Variants in EPB41L4A observed in about 807,000 individuals in gnomAD.
EPB41L4A encodes band 4.1-like protein 4A.
Under a neutral mutation model 108.6 loss-of-function variants are expected in EPB41L4A, and 100 were observed. The ratio of observed to expected loss-of-function variants is 0.92; its 90% CI spans 0.78 to 1.09. The LOEUF (loss-of-function observed/expected upper bound fraction) is 1.09, where lower values mean the gene tolerates loss of function less well. EPB41L4A is among the 50% of genes least tolerant of loss of function. EPB41L4A has a pLI of 0.00. For missense variants in EPB41L4A, 1,030 were observed against 842.7 expected (o/e 1.22, Z -2.75); for synonymous variants, 319 against 289.0 (o/e 1.10, Z -1.05).
chr5:112,388,586 G>A (rs1010744909), intron 1 of EPB41L4A, among the ~76,000 whole-genome samples: 1 of 152,144 alleles, frequency 6.6e-6, no homozygotes, highest in Non-Finnish European at 1.5e-5. Flanking sequence ...CAGGATTATG[G>A]ATAGACAGCC....
chr5:112,201,992 T>C (rs1366558491), intron 15 of EPB41L4A, among the ~76,000 whole-genome samples: 1 of 152,196 alleles, frequency 6.6e-6, no homozygotes, highest in South Asian at 2.1e-4. Context: ...GACTCATCTA[T>C]AATCTACTCT....
At chr5:112,330,608 TG>T (rs969730956) in intron 1 of EPB41L4A, among the ~76,000 whole-genome samples, 1 of 151,992 alleles carries the variant, frequency 6.6e-6, no homozygotes, top group African/African-American at 2.4e-5. Context: ...AACTGAGGAA[TG>T]GGGGGTAACT....
chr5:112,400,260 C>A (rs1761655011), intron 1 of EPB41L4A, among the ~76,000 whole-genome samples: 1 of 151,968 alleles, frequency 6.6e-6, no homozygotes, highest in South Asian at 2.1e-4. Flanking sequence ...ATCACGAGAA[C>A]AGCATGCGGA....
chr5:112,414,083 T>C (rs540363112), intron 1 of EPB41L4A, among the ~76,000 whole-genome samples: 1 of 152,320 alleles, frequency 6.6e-6, no homozygotes. Flanking sequence ...GGCTAGTAAG[T>C]AATTAGCGGT....
chr5:112,400,809 G>A (rs1761697606), intron 1 of EPB41L4A, among the ~76,000 whole-genome samples: 1 of 152,188 alleles, frequency 6.6e-6, no homozygotes, highest in Non-Finnish European at 1.5e-5. Context: ...CTAGTGTCAA[G>A]AAGGCAAAGG....
intron 18 of EPB41L4A, among the ~76,000 whole-genome samples, chr5:112,179,948 G>C (rs1185163470): frequency 6.6e-6 from 1 of 152,128 alleles, no homozygotes; most frequent in African/African-American, 2.4e-5. Context: ...GAGCTAGTAA[G>C]TGAATTTAAC....
chr5:112,291,144 C>T (rs1344892533), intron 2 of EPB41L4A, among the ~76,000 whole-genome samples: 1 of 152,182 alleles, frequency 6.6e-6, no homozygotes, highest in East Asian at 1.9e-4. Context: ...CTCCCTATCA[C>T]TCCTCATCTT....
At chr5:112,285,289 T>C (rs1395598441) in intron 2 of EPB41L4A, among the ~76,000 whole-genome samples, 1 of 151,904 alleles carries the variant, frequency 6.6e-6, no homozygotes, top group Non-Finnish European at 1.5e-5. Context: ...TCTAAGAGAG[T>C]AAAAACAGAG....
chr5:112,169,565 T>C (rs991528094), intron 20 of EPB41L4A, among the ~76,000 whole-genome samples: 1 of 152,034 alleles, frequency 6.6e-6, no homozygotes, highest in Non-Finnish European at 1.5e-5. Flanking sequence ...AAAAAGTATG[T>C]GAGGTGATAG....
At chr5:112,207,347 A>G (rs776698888) in intron 13 of EPB41L4A, among the ~76,000 whole-genome samples, 2 of 152,238 alleles carry the variant, frequency 1.3e-5, no homozygotes, top group Non-Finnish European at 2.9e-5. Flanking sequence ...AACCTAGGAA[A>G]TATCATTCTG....
Position 112,168,560 on chromosome 5 carries a change from T to C in EPB41L4A, c.1932+179A>G, listed in dbSNP as rs550077313. ...AACTCTTCCCAGATTGTGCCAGGGT[T>C]CTTGATCATGCACTTTTCCTTCCAT... On this transcript the variant is annotated intron_variant, in intron 22 of 22. Coordinates refer to ENST00000261486, the MANE Select transcript of EPB41L4A (RefSeq NM_022140.5). Among the ~76,000 whole-genome samples the C allele has an allele frequency of 2.3e-3, 344 of 152,352 alleles. 2 individuals carry two copies. Among genetic ancestry groups the C allele is most frequent in the African/African-American group, 7.6e-3 (318 of 41,586 alleles).
chr5:112,397,091 G>A (rs941672364), intron 1 of EPB41L4A, among the ~76,000 whole-genome samples: 4 of 151,862 alleles, frequency 2.6e-5, no homozygotes, highest in Admixed American at 2.0e-4. Context: ...CCCTTTCTAC[G>A]CTTCCCTCTT....
At chr5:112,234,376 A>G (rs1047412235) in intron 12 of EPB41L4A, among the ~76,000 whole-genome samples, 1 of 151,736 alleles carries the variant, frequency 6.6e-6, no homozygotes, top group Admixed American at 6.6e-5. Context: ...GCAAGATCCT[A>G]ACTCAAAAAA....
At chr5:112,336,710 G>A (rs1399472562) in intron 1 of EPB41L4A, among the ~76,000 whole-genome samples, 1 of 152,210 alleles carries the variant, frequency 6.6e-6, no homozygotes, top group Non-Finnish European at 1.5e-5. Context: ...CAAAGGCTTG[G>A]TGGCTGTGCC....
chr5:112,250,732 T>G (rs6888754), intron 9 of EPB41L4A: 1 of 151,906 alleles, frequency 6.6e-6, no homozygotes, highest in Non-Finnish European at 1.5e-5. Context: ...CCTGGGCTTC[T>G]CTTCCTGCCA....
At chr5:112,231,323 T>C (rs1298842351) in intron 12 of EPB41L4A, among the ~76,000 whole-genome samples, 1 of 152,180 alleles carries the variant, frequency 6.6e-6, no homozygotes, top group Non-Finnish European at 1.5e-5. Flanking sequence ...GAAAAAGATA[T>C]ACAATTGACC....
chr5:112,400,349 G>C (rs754866157), intron 1 of EPB41L4A, among the ~76,000 whole-genome samples: 5 of 151,910 alleles, frequency 3.3e-5, no homozygotes, highest in African/African-American at 4.8e-5. Context: ...GGTGAGATTT[G>C]CGTAGGGACA....
intron 6 of EPB41L4A, 187 bp downstream of exon 6, chr5:112,264,709 C>G: frequency 2.0e-6 from 1 of 508,038 alleles, no homozygotes; most frequent in Non-Finnish European, 3.2e-6. Context: ...TTCTCCTTTA[C>G]ACTTTTTAAA....
intron 1 of EPB41L4A, among the ~76,000 whole-genome samples, chr5:112,400,193 G>C (rs1314976826): frequency 6.6e-6 from 1 of 152,082 alleles, no homozygotes; most frequent in Non-Finnish European, 1.5e-5. Context: ...AGAGAGGGGG[G>C]TGAAGAGAAC....
Sources: gnomAD v4.1 joint callset for allele counts (sites outside exome capture counted in the v4.1 genomes callset) on GRCh38, gnomAD v4.1.1 for gene constraint, MANE v1.5 for transcripts, NCBI Gene and HGNC (gene_info 2026-07-23, HGNC 2026-07-21) for gene names.